NIT2: variants seen among roughly 807,000 people sequenced by gnomAD.
NIT2 encodes nitrilase family member 2.
In NIT2, 46 loss-of-function variants were observed where a neutral mutation model predicts 42.7. The ratio of observed to expected loss-of-function variants is 1.08; its 90% CI spans 0.85 to 1.38. NIT2 has a LOEUF of 1.38. NIT2 is among the 40% of genes most tolerant of loss of function. The pLI is 0.00. For synonymous variants in NIT2, 123 were observed against 121.9 expected (o/e 1.01, Z -0.06); for missense variants, 309 against 342.5 (o/e 0.90, Z 0.77).
chr3:100,344,835 G>A (rs1706195447), intron 4 of NIT2, among the ~76,000 whole-genome samples: 1 of 151,944 alleles, frequency 6.6e-6, no homozygotes, highest in Non-Finnish European at 1.5e-5. Flanking sequence ...TAGTAGAGAC[G>A]GGGTTTCACC....
rs141927085 is a variant in NIT2 at position 100,346,246 on chromosome 3, G to A, written c.496G>A (p.Ala166Thr). Residue 166 changes from alanine (A) to threonine (T), a missense_variant, in exon 6 of 10, where the codon GCA becomes ACA. By Grantham distance (58) the Ala-to-Thr change is moderately conservative. Transcript: ENST00000394140. ...MRFAELAQIYAQRGCQLLVYP... is the reference protein window; with the variant it reads ...MRFAELAQIYTQRGCQLLVYP... The stretch of plus-strand genomic sequence containing the variant: ...GTTTGCAGAGCTTGCACAAATCTAC[G>A]CACAGAGAGGTGAGGCAGTGTAATA... The A allele has an allele frequency of 4.0e-5, 64 of 1,613,902 alleles. No individual in the cohort carries two copies. The highest frequency in any genetic ancestry group is 6.7e-5 in the African/African-American group (5 of 75,034).
intron 3 of NIT2, among the ~76,000 whole-genome samples, 178 bp downstream of exon 3, chr3:100,340,113 C>A (rs564031487): frequency 6.6e-6 from 1 of 152,082 alleles, no homozygotes; most frequent in Non-Finnish European, 1.5e-5. Flanking sequence ...CTTTGTCACC[C>A]GTGCTAGAGT....
At chr3:100,352,071 C>T (rs1310783643) in intron 7 of NIT2, among the ~76,000 whole-genome samples, 3 of 152,198 alleles carry the variant, frequency 2.0e-5, no homozygotes, top group Non-Finnish European at 4.4e-5. Flanking sequence ...TACCATCTCA[C>T]ACCAGTTAGA....
chr3:100,345,836 T>G (rs1448148289), intron 5 of NIT2, 158 bp downstream of exon 5: 4 of 628,118 alleles, frequency 6.4e-6, no homozygotes, highest in Non-Finnish European at 8.4e-6. Flanking sequence ...AGTTCGGGCT[T>G]ATTTGAGAAC....
rs1421261741 is a variant in NIT2 at position 100,359,613 on chromosome 3, C to T, written c.*4345C>T. 1 of 152,198 alleles carries T rather than the reference C, an allele frequency of 6.6e-6. No individual in the cohort carries two copies. Among genetic ancestry groups the T allele is most frequent in the African/African-American group, 2.4e-5 (1 of 41,448 alleles). 9.4% of individuals were successfully genotyped at this position (152,198 alleles called of 1,614,324 possible). ...GACCTTGCTCATACTGCCTCTCTCACCACTTAACATTGTCCCTTAGATGTT... is the reference window on the plus strand; with the variant it reads ...GACCTTGCTCATACTGCCTCTCTCATCACTTAACATTGTCCCTTAGATGTT... On this transcript the variant is annotated 3_prime_UTR_variant, in exon 10 of 10. Coordinates refer to ENST00000394140, the MANE Select transcript of NIT2 (RefSeq NM_020202.5).
rs1706346436 is a variant in NIT2 at position 100,358,736 on chromosome 3, C to G, written c.*3468C>G. The G allele has an allele frequency of 6.6e-6, 1 of 152,184 alleles. No individual in the cohort carries two copies. The highest frequency in any genetic ancestry group is 1.5e-5 in the Non-Finnish European group (1 of 68,030). The allele number at this position is 152,184 out of a possible 1,614,324, so 9.4% of individuals were successfully genotyped here. On this transcript the variant is annotated 3_prime_UTR_variant, in exon 10 of 10. Coordinates refer to ENST00000394140, the MANE Select transcript of NIT2 (RefSeq NM_020202.5). ...TCGACTGGGTATTTAGGGAAGGACT[C>G]CTTCCTGATACCAAAAGTTAGGTCT...
At chr3:100,354,876 T>C in intron 9 of NIT2, 49 bp downstream of exon 9, 3 of 1,495,180 alleles carry the variant, frequency 2.0e-6, no homozygotes, top group Non-Finnish European at 2.8e-6. Flanking sequence ...CCCATTGTTC[T>C]GAGGCCAGAC....
At chr3:100,342,974 C>T (rs1706172054) in intron 4 of NIT2, among the ~76,000 whole-genome samples, 1 of 149,868 alleles carries the variant, frequency 6.7e-6, no homozygotes, top group South Asian at 2.1e-4. Flanking sequence ...TGTTTTCATT[C>T]TTGAAAGATA....
At chr3:100,341,870 C>T (rs1354608919) in intron 4 of NIT2, among the ~76,000 whole-genome samples, 1 of 151,808 alleles carries the variant, frequency 6.6e-6, no homozygotes, top group Non-Finnish European at 1.5e-5. Context: ...GGTGAAACCC[C>T]ATCTCTACTA....
chr3:100,348,639 C>T (rs1019633300), intron 6 of NIT2, among the ~76,000 whole-genome samples, 164 bp from the exon 7 acceptor site: 1 of 152,186 alleles, frequency 6.6e-6, no homozygotes, highest in African/African-American at 2.4e-5. Context: ...TAAAGGAATT[C>T]AGAGCCATAT....
chr3:100,334,822 C>T (rs1268899285), intron 1 of NIT2, 24 bp downstream of exon 1: 2 of 1,278,260 alleles, frequency 1.6e-6, no homozygotes. Flanking sequence ...CCGCGCGCTG[C>T]AGCTCGAGTT....
At position 100,356,655 on chromosome 3, in the gene NIT2, C is replaced by G. The variant is rs1277203085; in HGVS notation, c.*1387C>G. Reference sequence around the variant, plus strand: ...TTAAGTTTTTAATTTACAATTGATGCATAATTTTACTTTAAAAAAATAAGT... The same window carrying G: ...TTAAGTTTTTAATTTACAATTGATGGATAATTTTACTTTAAAAAAATAAGT... On this transcript the variant is annotated 3_prime_UTR_variant, in exon 10 of 10. Coordinates refer to ENST00000394140, the MANE Select transcript of NIT2 (RefSeq NM_020202.5). 6.6e-6 allele frequency: 1 copy of G among 152,090 alleles called. No homozygotes were observed. Among genetic ancestry groups the G allele is most frequent in the Non-Finnish European group, 1.5e-5 (1 of 68,014 alleles). The allele number at this position is 152,090 out of a possible 1,614,324, so 9.4% of individuals were successfully genotyped here. A position where few individuals can be genotyped will look rare whatever the true frequency, so the allele number is the denominator to read the frequency against.
intron 1 of NIT2, among the ~76,000 whole-genome samples, chr3:100,337,740 A>C (rs1463232125): frequency 6.6e-6 from 1 of 152,184 alleles, no homozygotes; most frequent in Non-Finnish European, 1.5e-5. Context: ...GGCGTGAGCC[A>C]TCACACCCGG....
Position 100,340,936 on chromosome 3 carries a change from T to A in NIT2, c.248-137T>A, listed in dbSNP as rs924752214. On this transcript the variant is annotated intron_variant, in intron 3 of 9. Coordinates refer to ENST00000394140, the MANE Select transcript of NIT2 (RefSeq NM_020202.5). ...TATAGAATGAGGTGTTGCCTTATTC[T>A]AAAAACAAAATGAATAAATAAACCG... The A allele has an allele frequency of 2.4e-5, 15 of 625,572 alleles. No individual in the cohort carries two copies. In the African/African-American group the frequency reaches 2.6e-4, roughly 11 times the overall value. The allele number at this position is 625,572 out of a possible 1,614,324, so 38.8% of individuals were successfully genotyped here. A position where few individuals can be genotyped will look rare whatever the true frequency, so the allele number is the denominator to read the frequency against.
intron 1 of NIT2, among the ~76,000 whole-genome samples, chr3:100,337,515 G>A (rs919695253): frequency 5.9e-5 from 9 of 152,078 alleles, no homozygotes; most frequent in Admixed American, 2.0e-4. Context: ...GTGCAGTGGC[G>A]CGATCTTGGC....
At chr3:100,342,031 C>T (rs1706161599) in intron 4 of NIT2, among the ~76,000 whole-genome samples, 1 of 151,772 alleles carries the variant, frequency 6.6e-6, no homozygotes, top group African/African-American at 2.4e-5. Flanking sequence ...CAAGACAGAG[C>T]AAGACTCCAT....
At chr3:100,342,911 G>C (rs1394206124) in intron 4 of NIT2, among the ~76,000 whole-genome samples, 1 of 152,012 alleles carries the variant, frequency 6.6e-6, no homozygotes, top group African/African-American at 2.4e-5. Context: ...TTGTTCTGAG[G>C]ATCTGTTAGC....
At chr3:100,337,901 A>G (rs952258809) in intron 1 of NIT2, among the ~76,000 whole-genome samples, 2 of 152,186 alleles carry the variant, frequency 1.3e-5, no homozygotes, top group Non-Finnish European at 2.9e-5. Flanking sequence ...TGTCTCTACA[A>G]AAAATTACAT....
intron 9 of NIT2, 43 bp from the exon 10 acceptor site, chr3:100,355,134 G>A (rs377700244): frequency 7.1e-6 from 10 of 1,408,792 alleles, no homozygotes; most frequent in Non-Finnish European, 1.0e-5. Flanking sequence ...TGGTTAGTGA[G>A]GAGTTGCAAA....
Sources: allele counts gnomAD v4.1 joint callset (sites outside exome capture counted in the v4.1 genomes callset), GRCh38; gene constraint gnomAD v4.1.1; transcripts MANE v1.5; gene names NCBI Gene and HGNC (gene_info 2026-07-23, HGNC 2026-07-21).